The following CEMIP variants were observed in gnomAD, a reference collection of about 807,000 sequenced individuals.
The protein encoded by CEMIP is cell migration inducing hyaluronidase 1.
A neutral mutation model predicts 156.9 loss-of-function variants in CEMIP; 105 were observed. The ratio of observed to expected loss-of-function variants is 0.67; its 90% CI spans 0.57 to 0.79. The LOEUF is 0.79. Among genes scored for constraint, CEMIP ranks in the 30% least tolerant of loss-of-function variants. The pLI is 0.00. For missense variants in CEMIP, 1,457 were observed against 1,769.4 expected (o/e 0.82, Z 3.17); for synonymous variants, 676 against 668.4 (o/e 1.01, Z -0.17).
Position 80,898,706 on chromosome 15 carries a change from C to T in CEMIP, c.1411+2646C>T, listed in dbSNP as rs577757888. On this transcript the variant is annotated intron_variant, in intron 12 of 29. Coordinates refer to ENST00000394685, the MANE Select transcript of CEMIP (RefSeq NM_001293298.2). ...AGGATTACAAGCATAAGCCACCACA[C>T]CCGGCTATCATCATTATTAATGAAC... 2.6e-5 allele frequency among the ~76,000 whole-genome samples: 4 copies of T among 152,294 alleles called. No homozygotes were observed. The East Asian group carries it at 5.8e-4, about 22-fold the overall frequency.
Position 80,941,849 on chromosome 15 carries a change from G to A in CEMIP, c.3408G>A (p.Gly1136=). 6.2e-7 allele frequency: 1 copy of A among 1,613,278 alleles called. No homozygotes were observed. The highest frequency in any genetic ancestry group is 8.5e-7 in the Non-Finnish European group (1 of 1,179,942). ...GCCCAGCAATGCTCCTTGTGTGCAG[G>A]CTGTTGTTCCTGAAGCTGAAAGCTC... ...RSHYYWDEDS[G]LLFLKLKAQN... is the part of the protein sequence containing the mutation. The change falls in exon 26 of 30, where the codon GGG becomes GGA. Residue 1136 remains glycine (G), a splice_region_variant and synonymous_variant. Coordinates refer to ENST00000394685, the MANE Select transcript of CEMIP (RefSeq NM_001293298.2).
chr15:80,929,768 T>A (rs1460400033), intron 21 of CEMIP, among the ~76,000 whole-genome samples: 1 of 152,224 alleles, frequency 6.6e-6, no homozygotes, highest in Admixed American at 6.5e-5. Context: ...TGGATCTTTT[T>A]AATGTCAGAT....
chr15:80,784,089 C>T lies in CEMIP; in HGVS notation c.-176+4475C>T, dbSNP rs79531183. On this transcript the variant is annotated intron_variant, in intron 1 of 29. Coordinates refer to ENST00000394685, the MANE Select transcript of CEMIP (RefSeq NM_001293298.2). ...CACCTGCTCAGAGCAAGGAGCTGGA[C>T]AGCCTGGCTCCTTGCACTGGGATAT... 1.3e-3 allele frequency among the ~76,000 whole-genome samples: 203 copies of T among 152,314 alleles called. 4 individuals are homozygous for T. In the East Asian group the frequency reaches 0.036, roughly 27 times the overall value.
chr15:80,801,512 C>T (rs1396247796), intron 1 of CEMIP, among the ~76,000 whole-genome samples: 1 of 152,182 alleles, frequency 6.6e-6, no homozygotes, highest in African/African-American at 2.4e-5. Context: ...ATCTCAAAAC[C>T]CAATGGCACA....
chr15:80,780,545 C>G (rs1895763533), intron 1 of CEMIP, among the ~76,000 whole-genome samples: 1 of 152,214 alleles, frequency 6.6e-6, no homozygotes, highest in African/African-American at 2.4e-5. Flanking sequence ...CCAGGAGTTC[C>G]GCCAGCTGCC....
intron 12 of CEMIP, among the ~76,000 whole-genome samples, chr15:80,900,585 GGTGT>G (rs57724852): frequency 0.089 from 6,697 of 74,884 alleles, 158 homozygotes; most frequent in South Asian, 0.1. Flanking sequence ...CCCAGGTAGG[GGTGT>G]GTGTGTGTGT....
chr15:80,844,880 G>A (rs964617272), intron 1 of CEMIP, among the ~76,000 whole-genome samples: 6 of 152,198 alleles, frequency 3.9e-5, no homozygotes, highest in Non-Finnish European at 8.8e-5. Context: ...GCCCCAGGGT[G>A]CCCATGGGCA....
rs755085079 is a variant in CEMIP at position 80,889,552 on chromosome 15, C to G, written c.1046C>G (p.Ala349Gly). ...GGEKISDLWK[A>G]HPGKICNRPI... ...GAGAAAATTTCAGACCTCTGGAAAGCTCACCCAGGAAAAATATGCAATCGT... is the reference window on the plus strand; with the variant it reads ...GAGAAAATTTCAGACCTCTGGAAAGGTCACCCAGGAAAAATATGCAATCGT... Residue 349 changes from alanine (A) to glycine (G), a missense_variant, in exon 10 of 30, where the codon GCT becomes GGT. Physicochemically the swap from Ala to Gly is moderately conservative, Grantham distance 60 (BLOSUM62 0). Coordinates refer to ENST00000394685, the MANE Select transcript of CEMIP (RefSeq NM_001293298.2). 1 of 1,614,178 alleles carries G rather than the reference C, an allele frequency of 6.2e-7. No homozygotes were observed. The highest frequency in any genetic ancestry group is 8.5e-7 in the Non-Finnish European group (1 of 1,179,998).
chr15:80,920,865 A>C (rs1900445453), intron 15 of CEMIP, among the ~76,000 whole-genome samples, 167 bp from the exon 16 acceptor site: 1 of 152,244 alleles, frequency 6.6e-6, no homozygotes, highest in African/African-American at 2.4e-5. Flanking sequence ...CTAGCACCAC[A>C]CTTTAATTAG....
At chr15:80,895,514 G>A (rs576000775) in intron 11 of CEMIP, among the ~76,000 whole-genome samples, 1 of 152,298 alleles carries the variant, frequency 6.6e-6, no homozygotes, top group East Asian at 1.9e-4. Flanking sequence ...CAGTCATTAG[G>A]AATGAAAGTT....
rs1567110544 is a variant in CEMIP at position 80,937,931 on chromosome 15, A to G, written c.3359A>G (p.Glu1120Gly). 1 of 1,614,088 alleles carries G rather than the reference A, an allele frequency of 6.2e-7. No homozygotes were observed. The highest frequency in any genetic ancestry group is 8.5e-7 in the Non-Finnish European group (1 of 1,180,030). Residue 1120 changes from glutamate to glycine, a missense_variant, in exon 25 of 30, where the codon GAG becomes GGG. Physicochemically the swap from Glu to Gly is moderately conservative, Grantham distance 98. Coordinates refer to ENST00000394685, the MANE Select transcript of CEMIP (RefSeq NM_001293298.2). The stretch of plus-strand genomic sequence containing the variant: ...AGGACCTTGCAGATGGACAAAGTGG[A>G]GCAGAGCTACCCTGGCAGGAGCCAC... ...FVRTLQMDKV[E>G]QSYPGRSHYY...
Position 80,933,399 on chromosome 15 carries a change from A to AC in CEMIP, c.2951dup (p.Asp985ArgfsTer29), listed in dbSNP as rs772377746. ...AAGAATGACAACTGGCTGGTCCGGC[A>AC]CCCAGACTGCATCAATGTTCCCGAC... On this transcript the variant is annotated frameshift_variant, in exon 23 of 30. Coordinates refer to ENST00000394685, the MANE Select transcript of CEMIP (RefSeq NM_001293298.2). LOFTEE classifies it high-confidence loss of function. 6.2e-7 allele frequency: 1 copy of AC among 1,614,076 alleles called. No homozygotes were observed. The highest frequency in any genetic ancestry group is 1.7e-5 in the Admixed American group (1 of 60,018).
At position 80,852,925 on chromosome 15, in the gene CEMIP, G is replaced by A. The variant is rs145436292; in HGVS notation, c.-175-20613G>A. On this transcript the variant is annotated intron_variant, in intron 1 of 29. Coordinates refer to ENST00000394685, the MANE Select transcript of CEMIP (RefSeq NM_001293298.2). ...GAATAGCTGAGGGGCAAAATGTCCC[G>A]GTGGCCCACACCCACATGTACCATC... Among the ~76,000 whole-genome samples the A allele has an allele frequency of 1.7e-3, 264 of 152,242 alleles. 1 individual carries two copies. The highest frequency in any genetic ancestry group is 4.1e-3 in the East Asian group (21 of 5,180).
chr15:80,951,174 G>T lies in CEMIP; in HGVS notation c.*2250G>T, dbSNP rs934227236. 6.6e-6 allele frequency: 1 copy of T among 152,626 alleles called. No homozygotes were observed. The highest frequency in any genetic ancestry group is 1.5e-5 in the Non-Finnish European group (1 of 68,046). 9.5% of individuals were successfully genotyped at this position (152,626 alleles called of 1,614,324 possible). A position where few individuals can be genotyped will look rare whatever the true frequency, so the allele number is the denominator to read the frequency against. The stretch of plus-strand genomic sequence containing the variant: ...GAGTTTTCACTCTTCTAATGCAAGG[G>T]TCTCACACTGTGAACCACTTAGGAT... On this transcript the variant is annotated 3_prime_UTR_variant, in exon 30 of 30. Coordinates refer to ENST00000394685, the MANE Select transcript of CEMIP (RefSeq NM_001293298.2).
chr15:80,794,203 A>T (rs1281779390), intron 1 of CEMIP, among the ~76,000 whole-genome samples: 2 of 152,226 alleles, frequency 1.3e-5, no homozygotes, highest in African/African-American at 4.8e-5. Context: ...AAATGGTCCC[A>T]AATCAGAAAT....
At chr15:80,880,734 C>T (rs922259777) in intron 5 of CEMIP, among the ~76,000 whole-genome samples, 166 bp from the exon 6 acceptor site, 7 of 152,168 alleles carry the variant, frequency 4.6e-5, no homozygotes, top group Admixed American at 2.6e-4. Flanking sequence ...CAAGCCCAGC[C>T]GCTAGTGTTA....
At chr15:80,830,494 G>A (rs1015474815) in intron 1 of CEMIP, among the ~76,000 whole-genome samples, 1 of 152,130 alleles carries the variant, frequency 6.6e-6, no homozygotes, top group East Asian at 1.9e-4. Flanking sequence ...CCACGACTAA[G>A]GATGGCCCCA....
intron 1 of CEMIP, among the ~76,000 whole-genome samples, chr15:80,807,374 G>T (rs529386111): frequency 3.1e-4 from 47 of 152,192 alleles, no homozygotes; most frequent in African/African-American, 1.1e-3. Flanking sequence ...GGGACTACAG[G>T]TGCATGCCAC....
Position 80,941,833 on chromosome 15 carries a change from T to G in CEMIP, c.3408-16T>G. Reference sequence around the variant, plus strand: ...GAGTGTCCAAGCAAATGCCCAGCAATGCTCCTTGTGTGCAGGCTGTTGTTC... The same window carrying G: ...GAGTGTCCAAGCAAATGCCCAGCAAGGCTCCTTGTGTGCAGGCTGTTGTTC... On this transcript the variant is annotated splice_polypyrimidine_tract_variant and intron_variant, in intron 25 of 29. Transcript: ENST00000394685. 1 of 1,611,564 alleles carries G rather than the reference T, an allele frequency of 6.2e-7. No homozygotes were observed. The highest frequency in any genetic ancestry group is 8.5e-7 in the Non-Finnish European group (1 of 1,179,352).
Sources: allele counts gnomAD v4.1 joint callset (sites outside exome capture counted in the v4.1 genomes callset), GRCh38; gene constraint gnomAD v4.1.1; transcripts MANE v1.5; gene names NCBI Gene and HGNC (gene_info 2026-07-23, HGNC 2026-07-21).